The following RBM39 variants were observed in gnomAD, a reference collection of about 807,000 sequenced individuals.
RBM39 encodes RNA-binding protein 39.
In RBM39, 12 loss-of-function variants were observed where a neutral mutation model predicts 79.6. The ratio of observed to expected loss-of-function variants is 0.15; its 90% CI spans 0.10 to 0.24. The LOEUF (loss-of-function observed/expected upper bound fraction) is 0.24, where lower values mean the gene tolerates loss of function less well. Ranked by LOEUF, RBM39 falls within the 10% of genes least tolerant of loss-of-function variation. The probability of loss-of-function intolerance (pLI) is 1.00; values close to 1 mark genes in which losing one functional copy is unlikely to be tolerated. For missense variants in RBM39, 243 were observed against 653.4 expected, an observed-to-expected ratio of 0.37 and a Z score of 6.85; for synonymous variants, 185 against 208.4, an observed-to-expected ratio of 0.89 and a Z score of 0.97.
intron 6 of RBM39, among the ~76,000 whole-genome samples, chr20:35,726,006 G>A (rs749022406): frequency 6.6e-5 from 10 of 152,052 alleles, no homozygotes; most frequent in East Asian, 1.9e-4. Context: ...CAAAAAATGC[G>A]CATAAAACTA....
At chr20:35,716,831 T>C in intron 9 of RBM39, 26 bp from the exon 10 acceptor site, 3 of 1,531,042 alleles carry the variant, frequency 2.0e-6, no homozygotes, top group Admixed American at 1.8e-5. Context: ...ATAATTACTA[T>C]AACTTAAAAG....
At chr20:35,706,532 T>C (rs1272014836) in intron 14 of RBM39, among the ~76,000 whole-genome samples, 2 of 151,146 alleles carry the variant, frequency 1.3e-5, no homozygotes, top group African/African-American at 2.4e-5. Context: ...TACATTTTGA[T>C]TGGATGTACT....
Position 35,742,204 on chromosome 20 carries a change from C to T in RBM39, c.-277G>A, listed in dbSNP as rs922701341. On this transcript the variant is annotated 5_prime_UTR_variant, in exon 1 of 17. Coordinates refer to ENST00000253363, the MANE Select transcript of RBM39 (RefSeq NM_184234.3). ...GGATCCACCCCTGCGACAGCGTCGA[C>T]AAGCTCCCTGAAATGGCGGCCGCTG... is the stretch of plus-strand genomic sequence containing the variant. 5.7e-5 allele frequency: 9 copies of T among 157,816 alleles called. No homozygotes were observed. Among genetic ancestry groups the T allele is most frequent in the Non-Finnish European group, 9.9e-5 (7 of 70,860 alleles). The allele number at this position is 157,816 out of a possible 1,614,324, so 9.8% of individuals were successfully genotyped here. A position where few individuals can be genotyped will look rare whatever the true frequency, so the allele number is the denominator to read the frequency against.
intron 12 of RBM39, among the ~76,000 whole-genome samples, chr20:35,712,435 CAAAAA>C (rs765974114): frequency 6.1e-5 from 2 of 32,822 alleles, no homozygotes; most frequent in South Asian, 1.6e-3. Flanking sequence ...TACTGTTATC[CAAAAA>C]AAAAAAAAAA....
At chr20:35,737,405 A>G (rs2146733855) in intron 3 of RBM39, among the ~76,000 whole-genome samples, 1 of 145,622 alleles carries the variant, frequency 6.9e-6, no homozygotes, top group Non-Finnish European at 1.5e-5. Flanking sequence ...AAAAAAAAAA[A>G]AAAAATTAGC....
chr20:35,735,110 T>C, intron 3 of RBM39: 2 of 1,499,528 alleles, frequency 1.3e-6, no homozygotes, highest in Non-Finnish European at 1.8e-6. Flanking sequence ...AATAGAAAAG[T>C]CATTTATTCC....
At chr20:35,732,196 C>T in intron 3 of RBM39, 61 bp from the exon 4 acceptor site, 1 of 1,395,304 alleles carries the variant, frequency 7.2e-7, no homozygotes, top group Non-Finnish European at 1.0e-6. Flanking sequence ...AATATACTAC[C>T]TTTTATGGCC....
intron 5 of RBM39, 43 bp from the exon 6 acceptor site, chr20:35,729,408 G>C: frequency 6.2e-7 from 1 of 1,605,824 alleles, no homozygotes; most frequent in East Asian, 2.2e-5. Flanking sequence ...AACAAGTACA[G>C]CATGTTAGTT....
At chr20:35,718,801 A>G (rs2425091) in intron 9 of RBM39, among the ~76,000 whole-genome samples, 33,076 of 138,442 alleles carry the variant, frequency 0.24, 4,771 homozygotes, top group African/African-American at 0.4. Context: ...CAACAAGAGC[A>G]ATACTCCATC....
At position 35,724,058 on chromosome 20, in the gene RBM39, G is replaced by A. The variant is rs879329900; in HGVS notation, c.687+512C>T. 5.9e-5 allele frequency among the ~76,000 whole-genome samples: 9 copies of A among 152,154 alleles called. No homozygotes were observed. The East Asian group carries it at 1.6e-3, about 26-fold the overall frequency. On this transcript the variant is annotated intron_variant, in intron 8 of 16. Coordinates refer to ENST00000253363, the MANE Select transcript of RBM39 (RefSeq NM_184234.3). Reference sequence around the variant, plus strand: ...CCCTATCTCAAAAACAAGGCCAGGTGTGGTGGCTCACAACTGTAATCTCAG... The same window carrying A: ...CCCTATCTCAAAAACAAGGCCAGGTATGGTGGCTCACAACTGTAATCTCAG...
intron 3 of RBM39, among the ~76,000 whole-genome samples, chr20:35,733,611 A>AAAAAAGAAAAAG (rs60930450): frequency 3.4e-4 from 51 of 151,700 alleles, no homozygotes; most frequent in Admixed American, 2.7e-3. Flanking sequence ...TGTCTCCAAA[A>AAAAAAGAAAAAG]AAAAAGAAAA....
chr20:35,732,331 G>A (rs6058309), intron 3 of RBM39, 196 bp from the exon 4 acceptor site: 62,606 of 589,708 alleles, frequency 0.11, 3,503 homozygotes, highest in South Asian at 0.15. Context: ...GCCGAGGCAG[G>A]CAGATCACAA....
chr20:35,713,144 A>T, intron 11 of RBM39, 48 bp from the exon 12 acceptor site: 1 of 1,515,762 alleles, frequency 6.6e-7, no homozygotes, highest in Non-Finnish European at 9.0e-7. Flanking sequence ...GAGCAGAGAA[A>T]CGAAGTTTCC....
At chr20:35,739,168 T>C (rs1179506620) in intron 2 of RBM39, 151 bp from the exon 3 acceptor site, 2 of 713,860 alleles carry the variant, frequency 2.8e-6, no homozygotes, top group Non-Finnish European at 4.9e-6. Context: ...TAAAAAAATT[T>C]AGATGGGTAT....
At chr20:35,722,871 T>C (rs924480393) in intron 8 of RBM39, among the ~76,000 whole-genome samples, 1 of 151,302 alleles carries the variant, frequency 6.6e-6, no homozygotes, top group Non-Finnish European at 1.5e-5. Context: ...GAGACGGAGC[T>C]TGCAGTGAGC....
chr20:35,727,127 T>G (rs1418952988), intron 6 of RBM39, among the ~76,000 whole-genome samples: 2 of 151,934 alleles, frequency 1.3e-5, no homozygotes, highest in East Asian at 3.9e-4. Flanking sequence ...GCGTGCAGAT[T>G]GCTTGGCCCT....
At chr20:35,713,985 T>C (rs1041969029) in intron 11 of RBM39, 200 bp downstream of exon 11, 66 of 569,864 alleles carry the variant, frequency 1.2e-4, no homozygotes, top group Non-Finnish European at 1.8e-4. Flanking sequence ...ACTTATACTG[T>C]GGCATTCAAA....
At chr20:35,735,271 C>T (rs1480367461) in intron 3 of RBM39, among the ~76,000 whole-genome samples, 4 of 152,124 alleles carry the variant, frequency 2.6e-5, no homozygotes, top group Non-Finnish European at 5.9e-5. Context: ...AAATAATATT[C>T]CCATGAGGGC....
intron 3 of RBM39, chr20:35,732,906 T>C (rs1442808977): frequency 6.6e-6 from 1 of 152,218 alleles, no homozygotes; most frequent in Non-Finnish European, 1.5e-5. Context: ...ATTAAGTCAA[T>C]TTTGCCCCCA....
Sources: gnomAD v4.1 joint callset for allele counts (sites outside exome capture counted in the v4.1 genomes callset) on GRCh38, gnomAD v4.1.1 for gene constraint, MANE v1.5 for transcripts, NCBI Gene and HGNC (gene_info 2026-07-23, HGNC 2026-07-21) for gene names.